Variants in CADPS observed in about 807,000 individuals in gnomAD.
CADPS encodes the protein calcium-dependent secretion activator 1.
CADPS carries 57 observed loss-of-function variants against 167.3 expected under a neutral mutation model. That is an observed-to-expected ratio of 0.34 (90% CI 0.28 to 0.42). CADPS has a LOEUF of 0.42. Ranked by LOEUF, CADPS falls within the 20% of genes least tolerant of loss-of-function variation. The pLI is 1.00. For missense variants in CADPS, 1,414 were observed against 1,738.1 expected (o/e 0.81, Z 3.32); for synonymous variants, 676 against 635.3 (o/e 1.06, Z -0.96).
chr3:62,770,582 C>T (rs1256418658), intron 1 of CADPS, among the ~76,000 whole-genome samples: 5 of 152,142 alleles, frequency 3.3e-5, no homozygotes, highest in Middle Eastern at 3.4e-3. Context: ...AGCACCAGCA[C>T]GCCCAGCTAA....
At chr3:62,781,030 A>G (rs2091472171) in intron 1 of CADPS, among the ~76,000 whole-genome samples, 1 of 152,186 alleles carries the variant, frequency 6.6e-6, no homozygotes, top group African/African-American at 2.4e-5. Flanking sequence ...GGCTGATACT[A>G]TTAGGGTACA....
At chr3:62,603,793 G>T (rs186683433) in intron 6 of CADPS, among the ~76,000 whole-genome samples, 106 of 151,676 alleles carry the variant, frequency 7.0e-4, no homozygotes, top group African/African-American at 2.4e-3. Context: ...CATCTCTGCC[G>T]TATCTGAATC....
At chr3:62,686,512 G>C (rs535940541) in intron 3 of CADPS, among the ~76,000 whole-genome samples, 7 of 152,050 alleles carry the variant, frequency 4.6e-5, no homozygotes, top group African/African-American at 1.4e-4. Context: ...CCTGTGGCTA[G>C]AGGGGAGAAA....
At chr3:62,622,878 A>T (rs560453930) in intron 6 of CADPS, among the ~76,000 whole-genome samples, 32 of 152,256 alleles carry the variant, frequency 2.1e-4, no homozygotes, top group Non-Finnish European at 4.3e-4. Context: ...TTCCAAGTAC[A>T]TTTCCATTTG....
chr3:62,765,625 T>C (rs999500110), intron 2 of CADPS, among the ~76,000 whole-genome samples: 3 of 152,200 alleles, frequency 2.0e-5, no homozygotes, highest in Admixed American at 1.3e-4. Context: ...CTGTTATATG[T>C]TGTATGAAAA....
intron 28 of CADPS, among the ~76,000 whole-genome samples, chr3:62,406,982 C>T (rs534361508): frequency 1.3e-5 from 2 of 152,292 alleles, no homozygotes; most frequent in African/African-American, 4.8e-5. Context: ...CTCAGAGACT[C>T]GGTTTCCTGA....
chr3:62,711,048 G>C (rs1165195644), intron 3 of CADPS, among the ~76,000 whole-genome samples: 2 of 152,044 alleles, frequency 1.3e-5, no homozygotes, highest in Non-Finnish European at 2.9e-5. Context: ...AAAGCATTGG[G>C]ATTTGTAATT....
chr3:62,589,579 C>T (rs566726453), intron 7 of CADPS, among the ~76,000 whole-genome samples: 2 of 152,294 alleles, frequency 1.3e-5, no homozygotes, highest in African/African-American at 2.4e-5. Context: ...ACCCTCTGGG[C>T]GTCAGCATGC....
intron 26 of CADPS, among the ~76,000 whole-genome samples, chr3:62,450,600 C>T (rs191700569): frequency 1.1e-3 from 174 of 152,268 alleles, no homozygotes; most frequent in African/African-American, 3.9e-3. Flanking sequence ...ATTCATGAAC[C>T]CTCTTGTCCC....
At chr3:62,607,424 G>A (rs929887572) in intron 6 of CADPS, among the ~76,000 whole-genome samples, 1 of 152,142 alleles carries the variant, frequency 6.6e-6, no homozygotes, top group African/African-American at 2.4e-5. Flanking sequence ...ACGCTCAAGT[G>A]CTCCCAGGAA....
intron 9 of CADPS, among the ~76,000 whole-genome samples, chr3:62,566,222 A>C (rs2080162776): frequency 6.6e-6 from 1 of 152,182 alleles, no homozygotes; most frequent in African/African-American, 2.4e-5. Context: ...GGTTAGGGGA[A>C]TCTTCTCCCT....
In CADPS at chr3:62,399,969, A is replaced by G. The variant is rs889387634; in HGVS notation, c.3883-384T>C. 1.3e-5 allele frequency among the ~76,000 whole-genome samples: 2 copies of G among 152,236 alleles called. No individual in the cohort carries two copies. Among genetic ancestry groups the G allele is most frequent in the Non-Finnish European group, 2.9e-5 (2 of 68,008 alleles). ...AGGGGCTATAATATATAAATAATGGATTGAGTGATTATGGTATTTTGTGAT... is the reference window on the plus strand; with the variant it reads ...AGGGGCTATAATATATAAATAATGGGTTGAGTGATTATGGTATTTTGTGAT... On this transcript the variant is annotated intron_variant, in intron 29 of 29. Coordinates refer to ENST00000383710, the MANE Select transcript of CADPS (RefSeq NM_003716.4). The surrounding 1 kb of genome is among the most constrained non-coding windows in gnomAD (Gnocchi z 5.6).
At chr3:62,479,159 T>G (rs2061659730) in intron 22 of CADPS, among the ~76,000 whole-genome samples, 1 of 152,222 alleles carries the variant, frequency 6.6e-6, no homozygotes, top group Non-Finnish European at 1.5e-5. Flanking sequence ...CTTTTACCAT[T>G]GCACCATCTT....
intron 4 of CADPS, among the ~76,000 whole-genome samples, chr3:62,661,271 G>T (rs755293383): frequency 6.6e-6 from 1 of 152,132 alleles, no homozygotes; most frequent in Non-Finnish European, 1.5e-5. Flanking sequence ...TATAATAAAG[G>T]TTGATATGCG....
In CADPS at chr3:62,866,720, G is replaced by T. The variant is rs1023934562; in HGVS notation, c.441+7869C>A. Among the ~76,000 whole-genome samples, 7 of 152,080 alleles carry T rather than the reference G, an allele frequency of 4.6e-5. No individual in the cohort carries two copies. The East Asian group carries it at 9.6e-4, about 21-fold the overall frequency. ...GTCTGAAATACTGTGGAGGAGTTTG[G>T]TGAACTAAAATGCAAGAATACTATT... On this transcript the variant is annotated intron_variant, in intron 1 of 29. Coordinates refer to ENST00000383710, the MANE Select transcript of CADPS (RefSeq NM_003716.4).
intron 3 of CADPS, among the ~76,000 whole-genome samples, chr3:62,720,727 T>C (rs574030494): frequency 6.6e-6 from 1 of 152,072 alleles, no homozygotes; most frequent in East Asian, 1.9e-4. Flanking sequence ...AGCTTGTTTG[T>C]AAGAGATGGG....
At chr3:62,675,947 A>G (rs2076273333) in intron 3 of CADPS, among the ~76,000 whole-genome samples, 1 of 151,918 alleles carries the variant, frequency 6.6e-6, no homozygotes, top group Admixed American at 6.6e-5. Context: ...CTCCCCAATT[A>G]CTGTAAAATC....
intron 6 of CADPS, among the ~76,000 whole-genome samples, chr3:62,600,396 G>C (rs1358138640): frequency 6.6e-6 from 1 of 152,126 alleles, no homozygotes; most frequent in African/African-American, 2.4e-5. Flanking sequence ...AAGCACATAA[G>C]CAGAGACTGT....
chr3:62,722,399 C>T (rs751639652), intron 3 of CADPS, among the ~76,000 whole-genome samples: 13 of 152,200 alleles, frequency 8.5e-5, no homozygotes, highest in Non-Finnish European at 1.3e-4. Context: ...TGGTGAAGAC[C>T]ACCCTCAAGT....
Sources: allele counts gnomAD v4.1 joint callset (sites outside exome capture counted in the v4.1 genomes callset), GRCh38; gene constraint gnomAD v4.1.1; non-coding constraint Gnocchi (gnomAD v3.1); transcripts MANE v1.5; gene names NCBI Gene and HGNC (gene_info 2026-07-23, HGNC 2026-07-21).